The following SUPT3H variants were observed in gnomAD, a reference collection of about 807,000 sequenced individuals.
The protein encoded by SUPT3H is SPT3 homolog, SAGA and STAGA complex component, also known as transcription initiation protein SPT3 homolog.
Under a neutral mutation model 44.3 loss-of-function variants are expected in SUPT3H, and 44 were observed. That is an observed-to-expected ratio of 0.99 (90% CI 0.78 to 1.28). The LOEUF is 1.28. Ranked by LOEUF, SUPT3H falls within the 50% of genes most tolerant of loss-of-function variation. The probability of loss-of-function intolerance (pLI) is 0.00; values close to 1 mark genes in which losing one functional copy is unlikely to be tolerated. For synonymous variants in SUPT3H, 124 were observed against 125.6 expected (o/e 0.99, Z 0.09); for missense variants, 380 against 387.1 (o/e 0.98, Z 0.15).
chr6:45,092,215 C>A (rs1003109976), intron 3 of SUPT3H, among the ~76,000 whole-genome samples: 6 of 151,934 alleles, frequency 3.9e-5, no homozygotes, highest in African/African-American at 7.3e-5. Context: ...GCAAAAAAAA[C>A]CCAAAAAACA....
chr6:45,136,168 A>G (rs1804245419), intron 2 of SUPT3H, among the ~76,000 whole-genome samples: 1 of 152,244 alleles, frequency 6.6e-6, no homozygotes, highest in African/African-American at 2.4e-5. Flanking sequence ...CTATTTGAGC[A>G]CAATCTCTGA....
At chr6:45,167,936 C>T (rs1053022909) in intron 2 of SUPT3H, among the ~76,000 whole-genome samples, 2 of 151,948 alleles carry the variant, frequency 1.3e-5, no homozygotes, top group Non-Finnish European at 2.9e-5. Context: ...CTCAACCTCC[C>T]GAGTAGCTGG....
At chr6:45,022,934 C>G (rs1737155949) in intron 3 of SUPT3H, among the ~76,000 whole-genome samples, 1 of 152,052 alleles carries the variant, frequency 6.6e-6, no homozygotes, top group Non-Finnish European at 1.5e-5. Context: ...TGAAAAAAAT[C>G]TGCATATAAG....
At chr6:45,106,474 A>G (rs962191437) in intron 2 of SUPT3H, among the ~76,000 whole-genome samples, 1 of 152,136 alleles carries the variant, frequency 6.6e-6, no homozygotes, top group Admixed American at 6.5e-5. Flanking sequence ...TTCCCACACA[A>G]GTTGCAACTT....
At chr6:44,821,899 CTTT>C (rs989368118), downstream of SUPT3H, among the ~76,000 whole-genome samples, 6 of 152,130 alleles carry the variant, frequency 3.9e-5, no homozygotes, top group Admixed American at 3.9e-4. Flanking sequence ...TTGAGAATCA[CTTT>C]TTAACATAAA....
chr6:44,829,942 C>T, intron 10 of SUPT3H, 85 bp from the exon 11 acceptor site: 1 of 1,269,430 alleles, frequency 7.9e-7, no homozygotes, highest in Non-Finnish European at 1.2e-6. Flanking sequence ...AGCCCTCTTC[C>T]TGTTTTGTAG....
At chr6:44,893,681 T>TA (rs1763672618) in intron 10 of SUPT3H, among the ~76,000 whole-genome samples, 1 of 150,420 alleles carries the variant, frequency 6.6e-6, no homozygotes, top group Non-Finnish European at 1.5e-5. Flanking sequence ...GCAATAAACA[T>TA]ATGTGTGCAT....
chr6:45,065,437 A>G (rs1447654596), intron 3 of SUPT3H, among the ~76,000 whole-genome samples: 2 of 148,148 alleles, frequency 1.3e-5, no homozygotes, highest in African/African-American at 5.0e-5. Flanking sequence ...AAAAGCTAGC[A>G]GAAGGCAAGA....
intron 10 of SUPT3H, among the ~76,000 whole-genome samples, chr6:44,922,541 T>C (rs534542668): frequency 2.0e-5 from 3 of 152,308 alleles, no homozygotes; most frequent in Middle Eastern, 3.4e-3. Flanking sequence ...GGGATTTTTT[T>C]GTCACACTAT....
intron 11 of SUPT3H, among the ~76,000 whole-genome samples, chr6:44,810,908 A>AG (rs34724918): frequency 2.2e-5 from 1 of 46,462 alleles, no homozygotes; most frequent in Non-Finnish European, 5.8e-5. Context: ...ACTCCATCTC[A>AG]AAAAAAAAAA....
At chr6:44,958,516 A>C (rs889998943) in intron 7 of SUPT3H, among the ~76,000 whole-genome samples, 14 of 152,136 alleles carry the variant, frequency 9.2e-5, no homozygotes, top group African/African-American at 3.4e-4. Context: ...GGAGTTCCTT[A>C]TTCCTTTCCT....
intron 2 of SUPT3H, among the ~76,000 whole-genome samples, chr6:45,281,133 G>C (rs891500964): frequency 6.6e-6 from 1 of 152,276 alleles, no homozygotes; most frequent in African/African-American, 2.4e-5. Context: ...TGGCCGAATA[G>C]GAACAGCTCC....
chr6:44,836,215 C>A (rs1243492574), intron 10 of SUPT3H, among the ~76,000 whole-genome samples: 1 of 152,074 alleles, frequency 6.6e-6, no homozygotes, highest in Non-Finnish European at 1.5e-5. Context: ...CTTGTTTGCA[C>A]CATGCCATGT....
chr6:44,821,933 A>T (rs192214544), downstream of SUPT3H, among the ~76,000 whole-genome samples: 7 of 152,206 alleles, frequency 4.6e-5, no homozygotes, highest in Non-Finnish European at 7.3e-5. Context: ...CCTGCATTCT[A>T]TAACTTGGCT....
In SUPT3H at chr6:45,125,447, T is replaced by C. The variant is rs895771087; in HGVS notation, c.102-19441A>G. Among the ~76,000 whole-genome samples, 3 of 152,302 alleles carry C rather than the reference T, an allele frequency of 2.0e-5. No individual in the cohort carries two copies. The South Asian group carries it at 6.2e-4, about 32-fold the overall frequency. On this transcript the variant is annotated intron_variant, in intron 2 of 10. Transcript: ENST00000371459. ...ACTATTGATGGCAAATGCACACTAC[T>C]GTGGAATGGGGAAAATTAAGTGGTA... is the stretch of plus-strand genomic sequence containing the variant.
chr6:45,314,342 G>A, intron 2 of SUPT3H, among the ~76,000 whole-genome samples: 1 of 152,240 alleles, frequency 6.6e-6, no homozygotes, highest in South Asian at 2.1e-4. Flanking sequence ...CGGTAAAGAG[G>A]AAGTCAGACT....
At chr6:45,298,796 T>C (rs1490989855) in intron 2 of SUPT3H, among the ~76,000 whole-genome samples, 2 of 152,180 alleles carry the variant, frequency 1.3e-5, no homozygotes, top group Non-Finnish European at 2.9e-5. Flanking sequence ...AGTAACTCTC[T>C]AGAATATAGG....
At chr6:45,177,437 G>A (rs1381970881) in intron 2 of SUPT3H, among the ~76,000 whole-genome samples, 12 of 152,156 alleles carry the variant, frequency 7.9e-5, no homozygotes, top group African/African-American at 2.4e-4. Flanking sequence ...CCAAATCTAC[G>A]TCTGATTGGT....
At chr6:45,293,857 CA>C (rs34314735) in intron 2 of SUPT3H, among the ~76,000 whole-genome samples, 1 of 150,426 alleles carries the variant, frequency 6.6e-6, no homozygotes, top group Non-Finnish European at 1.5e-5. Context: ...AAATTACTAT[CA>C]AAAAAAAAGT....
Sources: allele counts gnomAD v4.1 joint callset (sites outside exome capture counted in the v4.1 genomes callset), GRCh38; gene constraint gnomAD v4.1.1; transcripts MANE v1.5; gene names NCBI Gene and HGNC (gene_info 2026-07-23, HGNC 2026-07-21).